Variants in HEATR9 observed in about 807,000 individuals in gnomAD.
The protein encoded by HEATR9 is HEAT repeat containing 9.
In HEATR9, 54 loss-of-function variants were observed where a neutral mutation model predicts 68.2. The ratio of observed to expected loss-of-function variants is 0.79; its 90% CI spans 0.64 to 0.99. HEATR9 has a LOEUF of 0.99. HEATR9 is among the 50% of genes least tolerant of loss of function. The probability of loss-of-function intolerance (pLI) is 0.00; values close to 1 mark genes in which losing one functional copy is unlikely to be tolerated. For missense variants in HEATR9, 662 were observed against 679.7 expected (o/e 0.97, Z 0.29); for synonymous variants, 241 against 253.5 (o/e 0.95, Z 0.47).
chr17:35,864,820 A>C lies in HEATR9; in HGVS notation c.391T>G (p.Ser131Ala). The C allele has an allele frequency of 6.2e-7, 1 of 1,614,106 alleles. No individual in the cohort carries two copies. Among genetic ancestry groups the C allele is most frequent in the Non-Finnish European group, 8.5e-7 (1 of 1,180,018 alleles). ...HLPMSKLTIK[S>A]EMRSRPLEPT... ...TCTAAGGGCCTGGATCGCATCTCAG[A>C]TTTTATAGTCAGCTTGCTCATTGGG... is the stretch of plus-strand genomic sequence containing the variant. The change falls in exon 4 of 15, where the codon TCT (serine) becomes GCT (alanine). Residue 131 changes from serine (S) to alanine (A), a missense_variant. Transcript: ENST00000604834.
Position 35,863,512 on chromosome 17 carries a change from C to T in HEATR9, c.615G>A (p.Leu205=), listed in dbSNP as rs115881734. ...AGAAGACATACTCACCCAGGATGGC[C>T]AGGGTTCGGTAGGCCTCGTACTTCA... ...EKVKYEAYRT[L]AILGCLNKHV... is the part of the protein sequence containing the mutation. Residue 205 remains leucine, a synonymous_variant, in exon 7 of 15, where the codon CTG becomes CTA. Transcript: ENST00000604834. 2,478 of 1,614,168 alleles carry T rather than the reference C, an allele frequency of 1.5e-3. 3 individuals are homozygous for T. Among genetic ancestry groups the T allele is most frequent in the Non-Finnish European group, 1.9e-3 (2,248 of 1,180,024 alleles).
chr17:35,860,118 C>T (rs1290718114), intron 8 of HEATR9, among the ~76,000 whole-genome samples: 1 of 151,898 alleles, frequency 6.6e-6, no homozygotes, highest in Non-Finnish European at 1.5e-5. Flanking sequence ...ATTTTTCGGC[C>T]GGGCACGGTG....
intron 8 of HEATR9, among the ~76,000 whole-genome samples, chr17:35,860,072 C>T (rs2143914554): frequency 6.6e-6 from 1 of 152,272 alleles, no homozygotes; most frequent in South Asian, 2.1e-4. Flanking sequence ...CTTATCTCTT[C>T]TCGCCTATTT....
In HEATR9 at chr17:35,866,970, A is replaced by G. The variant is rs558251585; in HGVS notation, c.89-197T>C. On this transcript the variant is annotated intron_variant, in intron 1 of 14. Transcript: ENST00000604834. ...TAAAAATACAAAAAAAACATTAGCC[A>G]GCCAGGCGCAGTGGCTCACGCCTGT... Among the ~76,000 whole-genome samples the G allele has an allele frequency of 2.0e-5, 3 of 151,926 alleles. No individual in the cohort carries two copies. In the South Asian group the frequency reaches 6.2e-4, roughly 32 times the overall value.
In HEATR9 at chr17:35,856,738, A is replaced by G. The variant is rs1469845308; in HGVS notation, c.1220T>C (p.Val407Ala). The G allele has an allele frequency of 1.2e-6, 2 of 1,603,532 alleles. No individual in the cohort carries two copies. The highest frequency in any genetic ancestry group is 1.1e-5 in the South Asian group (1 of 88,774). Reference sequence around the variant, plus strand: ...CAGCTCCCAGGCCACTCACGCCTCCACCAAGTTCATCATCGTAGGCTTCAA... The same window carrying G: ...CAGCTCCCAGGCCACTCACGCCTCCGCCAAGTTCATCATCGTAGGCTTCAA... ...LKLKPTMMNL[V>A]EAQLMNPDAT... The change falls in exon 12 of 15, where the codon GTG (valine) becomes GCG (alanine). Residue 407 changes from valine (V) to alanine (A), a missense_variant. Transcript: ENST00000604834.
chr17:35,858,054 T>A (rs1206504726), intron 11 of HEATR9, 146 bp downstream of exon 11: 1 of 1,141,362 alleles, frequency 8.8e-7, no homozygotes, highest in Non-Finnish European at 1.3e-6. Context: ...AAAGGCAAGG[T>A]GATATAAAAA....
At chr17:35,864,207 T>C in intron 6 of HEATR9, 39 bp downstream of exon 6, 1 of 1,559,568 alleles carries the variant, frequency 6.4e-7, no homozygotes. Flanking sequence ...TCAGACCCTG[T>C]TTCCTTCTTT....
chr17:35,864,598 A>T lies in HEATR9; in HGVS notation c.454-45T>A, dbSNP rs200804358. 39 of 1,595,450 alleles carry T rather than the reference A, an allele frequency of 2.4e-5. 1 individual carries two copies. In the Admixed American group the frequency reaches 5.0e-4, roughly 21 times the overall value. On this transcript the variant is annotated intron_variant, in intron 4 of 14. Transcript: ENST00000604834. ...AGTGGAAAGGAAGACAGAGAAAAAT[A>T]AAGAATTTCAAACTAAAGGGAGCTC...
intron 3 of HEATR9, 129 bp downstream of exon 3, chr17:35,865,086 C>A (rs187797594): frequency 1.5e-6 from 2 of 1,310,052 alleles, no homozygotes; most frequent in Admixed American, 2.0e-5. Context: ...CAAGCCGAGC[C>A]GCCCTAAGCT....
intron 4 of HEATR9, 95 bp downstream of exon 4, chr17:35,864,663 C>T (rs2088128206): frequency 1.9e-6 from 3 of 1,590,052 alleles, no homozygotes; most frequent in Admixed American, 1.8e-5. Flanking sequence ...CTCTGTTTTT[C>T]AGGCAAGGAC....
At chr17:35,861,436 C>T (rs2087987764) in intron 8 of HEATR9, 12 of 1,605,386 alleles carry the variant, frequency 7.5e-6, no homozygotes, top group Admixed American at 5.0e-5. Flanking sequence ...GCGAGGATTG[C>T]GCTTCTTTTT....
intron 11 of HEATR9, 88 bp from the exon 12 acceptor site, chr17:35,856,893 T>A: frequency 8.1e-7 from 1 of 1,237,756 alleles, no homozygotes; most frequent in South Asian, 1.3e-5. Flanking sequence ...GAACATTTCC[T>A]TTGTGCTATG....
chr17:35,861,400 C>T (rs923287084), intron 8 of HEATR9: 31 of 1,608,400 alleles, frequency 1.9e-5, no homozygotes, highest in Admixed American at 1.2e-4. Context: ...AGCTGCTTTC[C>T]GGAATGCTTT....
chr17:35,859,022 G>GT lies in HEATR9; in HGVS notation c.804dup (p.Leu269ThrfsTer8), dbSNP rs758308775. 9.9e-6 allele frequency: 16 copies of GT among 1,614,094 alleles called. No homozygotes were observed. The highest frequency in any genetic ancestry group is 1.6e-4 in the Middle Eastern group (1 of 6,084). On this transcript the variant is annotated frameshift_variant, in exon 9 of 15. Coordinates refer to ENST00000604834, the MANE Select transcript of HEATR9 (RefSeq NM_152781.4). LOFTEE classifies it high-confidence loss of function. ...GCTTCACTGGACGACTTCTTGATCA[G>GT]TGTCTGTAGTACAGGCACCAGCTTG...
intron 9 of HEATR9, 70 bp from the exon 10 acceptor site, chr17:35,858,595 G>T: frequency 1.4e-6 from 2 of 1,394,466 alleles, no homozygotes; most frequent in Non-Finnish European, 2.0e-6. Context: ...TGGACTTGAG[G>T]TCTGAGCCTA....
At chr17:35,859,432 A>G (rs1031194759) in intron 8 of HEATR9, among the ~76,000 whole-genome samples, 15 of 152,202 alleles carry the variant, frequency 9.9e-5, no homozygotes, top group African/African-American at 3.4e-4. Context: ...CAGCTTCTCC[A>G]TAATCTCCAT....
At position 35,863,379 on chromosome 17, in the gene HEATR9, G is replaced by A. The variant is rs978101702; in HGVS notation, c.625+123C>T. 1.7e-5 allele frequency: 19 copies of A among 1,127,644 alleles called. No homozygotes were observed. The African/African-American group carries it at 2.6e-4, about 15-fold the overall frequency. The allele number at this position is 1,127,644 out of a possible 1,614,324, so 69.9% of individuals were successfully genotyped here. ...CTCTTGGTTCAACATAACTGGGATA[G>A]TTCTCAGGCCTTGCCAAATGGTAGG... On this transcript the variant is annotated intron_variant, in intron 7 of 14. Transcript: ENST00000604834.
chr17:35,858,076 T>A, intron 11 of HEATR9, 124 bp downstream of exon 11: 1 of 1,360,274 alleles, frequency 7.4e-7, no homozygotes, highest in Admixed American at 1.9e-5. Flanking sequence ...CTGGGCTGCA[T>A]TAGTTGAACA....
At chr17:35,867,054 A>G (rs948161897) in intron 1 of HEATR9, among the ~76,000 whole-genome samples, 1 of 151,858 alleles carries the variant, frequency 6.6e-6, no homozygotes, top group African/African-American at 2.4e-5. Flanking sequence ...GATTGGGACC[A>G]TACTGGCTAA....
Sources: gnomAD v4.1 joint callset for allele counts (sites outside exome capture counted in the v4.1 genomes callset) on GRCh38, gnomAD v4.1.1 for gene constraint, MANE v1.5 for transcripts, NCBI Gene and HGNC (gene_info 2026-07-23, HGNC 2026-07-21) for gene names.